VIRMA: variants seen among roughly 807,000 people sequenced by gnomAD.
The protein encoded by VIRMA is vir like m6A methyltransferase associated.
VIRMA carries 65 observed loss-of-function variants against 182.4 expected under a neutral mutation model. The ratio of observed to expected loss-of-function variants is 0.36; its 90% CI spans 0.29 to 0.44. The LOEUF (loss-of-function observed/expected upper bound fraction) is 0.44, where lower values mean the gene tolerates loss of function less well. Ranked by LOEUF, VIRMA falls within the 20% of genes least tolerant of loss-of-function variation. The pLI is 1.00. For missense variants in VIRMA, 1,752 were observed against 2,158.1 expected, an observed-to-expected ratio of 0.81 and a Z score of 3.73; for synonymous variants, 709 against 743.1, an observed-to-expected ratio of 0.95 and a Z score of 0.75.
At chr8:94,510,214 G>A (rs1814315349) in intron 14 of VIRMA, among the ~76,000 whole-genome samples, 2 of 152,102 alleles carry the variant, frequency 1.3e-5, no homozygotes, top group East Asian at 3.9e-4. Flanking sequence ...TCTTGCACAT[G>A]AAATGATGAA....
intron 2 of VIRMA, among the ~76,000 whole-genome samples, chr8:94,540,593 C>CTGAGACTA (rs1815514008): frequency 6.6e-6 from 1 of 151,768 alleles, no homozygotes; most frequent in Non-Finnish European, 1.5e-5. Context: ...ACCCAAGTAG[C>CTGAGACTA]TGAGACTACA....
intron 16 of VIRMA, among the ~76,000 whole-genome samples, chr8:94,503,434 A>C (rs1482293195): frequency 1.3e-5 from 2 of 152,182 alleles, no homozygotes; most frequent in Non-Finnish European, 2.9e-5. Context: ...GAATAATGTC[A>C]ATCTAATTAT....
At position 94,526,313 on chromosome 8, in the gene VIRMA, G is replaced by T. The variant is rs767864888; in HGVS notation, c.1931C>A (p.Thr644Lys). The T allele has an allele frequency of 1.2e-6, 2 of 1,613,876 alleles. No individual in the cohort carries two copies. Among genetic ancestry groups the T allele is most frequent in the Non-Finnish European group, 1.7e-6 (2 of 1,179,792 alleles). The change falls in exon 8 of 24, where the codon ACA becomes AAA. Residue 644 changes from threonine to lysine, a missense_variant. By Grantham distance (78) the Thr-to-Lys change is moderately conservative. Transcript: ENST00000297591. ...VFHLMETAPH[T>K]MIQQPVKSFP... ...AGACTTAACAGGTTGTTGGATCATT[G>T]TATGAGGGGCAGTTTCCATTAAATG...
chr8:94,514,952 C>A lies in VIRMA; in HGVS notation c.2669-1G>T. The A allele has an allele frequency of 6.7e-7, 1 of 1,486,876 alleles. No individual in the cohort carries two copies. 92.1% of individuals were successfully genotyped at this position (1,486,876 alleles called of 1,614,324 possible). A position where few individuals can be genotyped will look rare whatever the true frequency, so the allele number is the denominator to read the frequency against. On this transcript the variant is annotated splice_acceptor_variant, in intron 10 of 23. Coordinates refer to ENST00000297591, the MANE Select transcript of VIRMA (RefSeq NM_015496.5). LOFTEE classifies it high-confidence loss of function. ...AGAGGTTCAAGCCACTTGCCAAGTT[C>A]TTAAAAAGAAAAATAATTTATAATA...
At chr8:94,532,729 C>T (rs985317079) in intron 5 of VIRMA, among the ~76,000 whole-genome samples, 2 of 152,044 alleles carry the variant, frequency 1.3e-5, no homozygotes, top group Non-Finnish European at 2.9e-5. Context: ...ATTTGAAGGG[C>T]TGAGACAAGA....
intron 6 of VIRMA, among the ~76,000 whole-genome samples, chr8:94,529,608 CTTATTT>C (rs1815089738): frequency 6.6e-6 from 1 of 151,016 alleles, no homozygotes; most frequent in Non-Finnish European, 1.5e-5. Flanking sequence ...CCAGTACATA[CTTATTT>C]TTATTTTATT....
chr8:94,489,869 G>T (rs1435170719), intron 23 of VIRMA, 70 bp downstream of exon 23: 1 of 1,525,224 alleles, frequency 6.6e-7, no homozygotes, highest in South Asian at 1.2e-5. Flanking sequence ...CTCTGTATAT[G>T]ATATCAACAA....
At position 94,494,061 on chromosome 8, in the gene VIRMA, T is replaced by C. The variant is rs552143317; in HGVS notation, c.4641+799A>G. 2.6e-5 allele frequency among the ~76,000 whole-genome samples: 4 copies of C among 151,874 alleles called. No homozygotes were observed. The South Asian group carries it at 8.4e-4, about 32-fold the overall frequency. Reference sequence around the variant, plus strand: ...TGAACCCAAATGCAAGAATAAACTGTTGTTTTATGGGATACTTTTCCCTGT... The same window carrying C: ...TGAACCCAAATGCAAGAATAAACTGCTGTTTTATGGGATACTTTTCCCTGT... On this transcript the variant is annotated intron_variant, in intron 20 of 23. Coordinates refer to ENST00000297591, the MANE Select transcript of VIRMA (RefSeq NM_015496.5).
chr8:94,551,346 A>C (rs1815980856), intron 1 of VIRMA, among the ~76,000 whole-genome samples: 1 of 152,228 alleles, frequency 6.6e-6, no homozygotes, highest in African/African-American at 2.4e-5. Context: ...GCATTTTGTA[A>C]ACTAAGATGA....
intron 1 of VIRMA, among the ~76,000 whole-genome samples, chr8:94,547,869 CAA>C (rs1267941832): frequency 6.2e-5 from 7 of 113,000 alleles, no homozygotes; most frequent in Admixed American, 9.0e-5. Context: ...CCATCTCTAC[CAA>C]AAAAAAAAAA....
Position 94,498,252 on chromosome 8 carries a change from CTTAA to C in VIRMA, c.4230+1118_4230+1121del, listed in dbSNP as rs1425661260. The C allele has an allele frequency of 3.3e-5, 5 of 152,238 alleles. No homozygotes were observed. The East Asian group carries it at 9.6e-4, about 29-fold the overall frequency. The allele number at this position is 152,238 out of a possible 1,614,324, so 9.4% of individuals were successfully genotyped here. ...TTTGGAAAATACTAATGAGAGAAAT[CTTAA>C]TTAAATTTTAACAATAAGATTTTAG... On this transcript the variant is annotated intron_variant, in intron 17 of 23. Coordinates refer to ENST00000297591, the MANE Select transcript of VIRMA (RefSeq NM_015496.5).
At chr8:94,489,554 C>G (rs1440809106) in intron 23 of VIRMA, among the ~76,000 whole-genome samples, 2 of 152,182 alleles carry the variant, frequency 1.3e-5, no homozygotes, top group Admixed American at 6.5e-5. Flanking sequence ...ACCTCTCCTC[C>G]TCTTCCTCAG....
At chr8:94,507,206 G>A (rs1282771888) in intron 15 of VIRMA, among the ~76,000 whole-genome samples, 1 of 150,780 alleles carries the variant, frequency 6.6e-6, no homozygotes, top group Non-Finnish European at 1.5e-5. Flanking sequence ...CATGATCTCG[G>A]CTCACTGCAA....
intron 16 of VIRMA, among the ~76,000 whole-genome samples, chr8:94,506,051 G>C (rs1019761444): frequency 2.6e-5 from 4 of 152,162 alleles, no homozygotes; most frequent in Non-Finnish European, 5.9e-5. Flanking sequence ...GAGAAATACT[G>C]TACCGTTTTA....
Position 94,546,252 on chromosome 8 carries a change from G to A in VIRMA, c.64-2310C>T, listed in dbSNP as rs1431048184. On this transcript the variant is annotated intron_variant, in intron 1 of 23. Coordinates refer to ENST00000297591, the MANE Select transcript of VIRMA (RefSeq NM_015496.5). ...CTAGGACCTCTCTCCTGAGCCCCAGGCTACTATATCCAACTGCCCACTCAG... is the reference window on the plus strand; with the variant it reads ...CTAGGACCTCTCTCCTGAGCCCCAGACTACTATATCCAACTGCCCACTCAG... 2.0e-5 allele frequency among the ~76,000 whole-genome samples: 3 copies of A among 150,800 alleles called. No individual in the cohort carries two copies. In the East Asian group the frequency reaches 5.8e-4, roughly 29 times the overall value.
chr8:94,516,582 A>G (rs1814567795), intron 10 of VIRMA, among the ~76,000 whole-genome samples: 2 of 152,290 alleles, frequency 1.3e-5, no homozygotes, highest in South Asian at 4.1e-4. Context: ...CCAGAATTAC[A>G]GCTGTACAAT....
intron 8 of VIRMA, among the ~76,000 whole-genome samples, chr8:94,520,804 A>G (rs1051487698): frequency 6.6e-6 from 1 of 152,206 alleles, no homozygotes; most frequent in East Asian, 1.9e-4. Context: ...AAAATATAGT[A>G]TACTCAGATT....
chr8:94,494,897 G>A lies in VIRMA; in HGVS notation c.4604C>T (p.Pro1535Leu). ...DDQLKSMWFT[P>L]FQAEEIDTDL... ...TGTATCTATCTCTTCAGCCTGAAAT[G>A]GAGTGAACCACATAGATTTCAACTG... Residue 1535 changes from proline to leucine, a missense_variant, in exon 20 of 24, where the codon CCA becomes CTA. Coordinates refer to ENST00000297591, the MANE Select transcript of VIRMA (RefSeq NM_015496.5). The A allele has an allele frequency of 6.2e-7, 1 of 1,609,828 alleles. No homozygotes were observed. The highest frequency in any genetic ancestry group is 8.5e-7 in the Non-Finnish European group (1 of 1,176,388).
rs1813715661 is a variant in VIRMA at position 94,494,777 on chromosome 8, T to C, written c.4641+83A>G. Reference sequence around the variant, plus strand: ...AGTAGACTTTAACAGCCATAAAATATGGAAACTATTATAATGCTAACAATA... The same window carrying C: ...AGTAGACTTTAACAGCCATAAAATACGGAAACTATTATAATGCTAACAATA... On this transcript the variant is annotated intron_variant, in intron 20 of 23. Coordinates refer to ENST00000297591, the MANE Select transcript of VIRMA (RefSeq NM_015496.5). The C allele has an allele frequency of 1.1e-5, 9 of 832,886 alleles. No individual in the cohort carries two copies. The Admixed American group carries it at 1.3e-4, about 12-fold the overall frequency. The allele number at this position is 832,886 out of a possible 1,614,324, so 51.6% of individuals were successfully genotyped here.
Sources: allele counts gnomAD v4.1 joint callset (sites outside exome capture counted in the v4.1 genomes callset), GRCh38; gene constraint gnomAD v4.1.1; transcripts MANE v1.5; gene names NCBI Gene and HGNC (gene_info 2026-07-23, HGNC 2026-07-21).